The following MACROD2 variants were observed in gnomAD, a reference collection of about 807,000 sequenced individuals.
MACROD2 encodes ADP-ribose glycohydrolase MACROD2.
In MACROD2, 36 loss-of-function variants were observed where a neutral mutation model predicts 70.4. That is an observed-to-expected ratio of 0.51 (90% CI 0.39 to 0.68). The LOEUF is 0.68. Ranked by LOEUF, MACROD2 falls within the 30% of genes least tolerant of loss-of-function variation. The pLI, the probability that MACROD2 is intolerant of heterozygous loss-of-function variation, is 0.00. For missense variants in MACROD2, 496 were observed against 538.4 expected (o/e 0.92, Z 0.78); for synonymous variants, 172 against 178.8 (o/e 0.96, Z 0.30).
Position 14,818,008 on chromosome 20 carries a change from T to A in MACROD2, c.418+133049T>A, listed in dbSNP as rs182816173. On this transcript the variant is annotated intron_variant, in intron 5 of 17. Transcript: ENST00000684519. ...TGCTCTAGGTGGGCCACCAAAAACA[T>A]CTGCCATATCTTCTGTGGGCTTACA... 8.5e-5 allele frequency among the ~76,000 whole-genome samples: 13 copies of A among 152,278 alleles called. No homozygotes were observed. In the East Asian group the frequency reaches 2.5e-3, roughly 29 times the overall value.
At chr20:15,489,150 G>A (rs1235018692) in intron 7 of MACROD2, among the ~76,000 whole-genome samples, 2 of 152,156 alleles carry the variant, frequency 1.3e-5, no homozygotes, top group South Asian at 2.1e-4. Flanking sequence ...AAGAAAAAGT[G>A]TCTCAAGACC....
intron 2 of MACROD2, among the ~76,000 whole-genome samples, chr20:14,026,558 G>A (rs2053169321): frequency 6.6e-6 from 1 of 152,186 alleles, no homozygotes; most frequent in African/African-American, 2.4e-5. Flanking sequence ...AAGTCTCTCA[G>A]CATGTGCTTG....
intron 8 of MACROD2, among the ~76,000 whole-genome samples, chr20:15,534,056 C>G (rs184660051): frequency 1.8e-4 from 27 of 152,218 alleles, no homozygotes; most frequent in African/African-American, 5.3e-4. Flanking sequence ...CTTTGATTTG[C>G]TGAAAGTTAC....
At chr20:14,511,485 C>T (rs1196734955) in intron 4 of MACROD2, among the ~76,000 whole-genome samples, 2 of 152,000 alleles carry the variant, frequency 1.3e-5, no homozygotes, top group Non-Finnish European at 2.9e-5. Context: ...ACTCCCAGTT[C>T]AGCTAATATC....
chr20:15,021,248 A>ATGTATACGCACACGTGTG (rs2075176946), intron 5 of MACROD2, among the ~76,000 whole-genome samples: 6 of 53,326 alleles, frequency 1.1e-4, no homozygotes, highest in Non-Finnish European at 2.0e-4. Context: ...ACCTGTGTGT[A>ATGTATACGCACACGTGTG]TGTATACACA....
chr20:14,643,253 G>A (rs1443542294), intron 4 of MACROD2, among the ~76,000 whole-genome samples: 1 of 152,066 alleles, frequency 6.6e-6, no homozygotes, highest in East Asian at 1.9e-4. Flanking sequence ...CAAAAAATAG[G>A]TTAAAAGTTA....
At chr20:15,083,990 G>T (rs2123142181) in intron 5 of MACROD2, among the ~76,000 whole-genome samples, 1 of 151,792 alleles carries the variant, frequency 6.6e-6, no homozygotes, top group South Asian at 2.1e-4. Context: ...ATTATAGGAG[G>T]TGCAAGGGGA....
chr20:14,011,500 G>A (rs1295644867), intron 2 of MACROD2, among the ~76,000 whole-genome samples: 9 of 151,764 alleles, frequency 5.9e-5, no homozygotes, highest in African/African-American at 2.2e-4. Context: ...GCGTTAAAAA[G>A]CCTGTTCAAG....
At chr20:15,867,322 G>C (rs1214304320) in intron 9 of MACROD2, among the ~76,000 whole-genome samples, 1 of 152,130 alleles carries the variant, frequency 6.6e-6, no homozygotes. Context: ...ATTGCCCCTT[G>C]TAGAAATGCT....
intron 8 of MACROD2, among the ~76,000 whole-genome samples, chr20:15,833,592 A>G (rs1340236916): frequency 2.6e-5 from 4 of 152,178 alleles, no homozygotes; most frequent in Non-Finnish European, 4.4e-5. Context: ...TTGGGTTTAT[A>G]TGTAAACTAG....
intron 2 of MACROD2, among the ~76,000 whole-genome samples, chr20:14,037,018 CT>C (rs2053320539): frequency 6.6e-6 from 1 of 152,118 alleles, no homozygotes; most frequent in Non-Finnish European, 1.5e-5. Context: ...GTTTTTCCTC[CT>C]TGGGACCTTG....
chr20:14,646,205 A>G (rs1985383585), intron 4 of MACROD2, among the ~76,000 whole-genome samples: 1 of 149,822 alleles, frequency 6.7e-6, no homozygotes, highest in South Asian at 2.1e-4. Flanking sequence ...TACTCATTTT[A>G]TTAAGGAAGC....
At position 15,895,481 on chromosome 20, in the gene MACROD2, G is replaced by A. The variant is rs771768960; in HGVS notation, c.775+9670G>A. Among the ~76,000 whole-genome samples, 45 of 152,236 alleles carry A rather than the reference G, an allele frequency of 3.0e-4. 1 individual carries two copies. Among genetic ancestry groups the A allele is most frequent in the Admixed American group, 5.9e-4 (9 of 15,284 alleles). ...AGGAGTGAGAAAGGGAGCGCCATCCGGCAGGCAGCGGTGGATGATTCCATG... is the reference window on the plus strand; with the variant it reads ...AGGAGTGAGAAAGGGAGCGCCATCCAGCAGGCAGCGGTGGATGATTCCATG... On this transcript the variant is annotated intron_variant, in intron 10 of 17. Coordinates refer to ENST00000684519, the MANE Select transcript of MACROD2 (RefSeq NM_001351661.2).
At chr20:15,827,873 A>G (rs2064014437) in intron 8 of MACROD2, among the ~76,000 whole-genome samples, 1 of 152,220 alleles carries the variant, frequency 6.6e-6, no homozygotes, top group South Asian at 2.1e-4. Context: ...TGAAGAATTG[A>G]CAGAGTTGCT....
At chr20:14,339,641 T>C (rs561354771) in intron 3 of MACROD2, among the ~76,000 whole-genome samples, 1 of 152,204 alleles carries the variant, frequency 6.6e-6, no homozygotes, top group Admixed American at 6.5e-5. Context: ...GTTAGCAGTT[T>C]GGAGGTTTCC....
chr20:15,049,764 A>G (rs1025439014), intron 5 of MACROD2, among the ~76,000 whole-genome samples: 5 of 152,082 alleles, frequency 3.3e-5, no homozygotes, highest in Non-Finnish European at 5.9e-5. Context: ...CCTGGCCAAC[A>G]TGGTGAAACC....
At chr20:15,885,309 T>C (rs545661335) in intron 9 of MACROD2, among the ~76,000 whole-genome samples, 2 of 152,208 alleles carry the variant, frequency 1.3e-5, no homozygotes, top group South Asian at 4.1e-4. Context: ...AGCAGCACTT[T>C]CCATGGTGTG....
chr20:14,103,143 C>A (rs2054321380), intron 3 of MACROD2, among the ~76,000 whole-genome samples: 1 of 151,920 alleles, frequency 6.6e-6, no homozygotes, highest in Non-Finnish European at 1.5e-5. Flanking sequence ...ACATTAAATC[C>A]TTCAAGGAAT....
intron 6 of MACROD2, among the ~76,000 whole-genome samples, chr20:15,313,761 T>C (rs2077779215): frequency 1.3e-5 from 2 of 152,198 alleles, no homozygotes; most frequent in African/African-American, 2.4e-5. Context: ...GATAAATGAA[T>C]GTCTATGTGT....
Sources: gnomAD v4.1 joint callset for allele counts (sites outside exome capture counted in the v4.1 genomes callset) on GRCh38, gnomAD v4.1.1 for gene constraint, MANE v1.5 for transcripts, NCBI Gene and HGNC (gene_info 2026-07-23, HGNC 2026-07-21) for gene names.